The following GALNT2 variants were observed in gnomAD, a reference collection of about 807,000 sequenced individuals.
The protein encoded by GALNT2 is polypeptide N-acetylgalactosaminyltransferase 2, also known as UDP-GalNAc:polypeptide N-acetylgalactosaminyltransferase 2.
Under a neutral mutation model 81.4 loss-of-function variants are expected in GALNT2, and 31 were observed. That is an observed-to-expected ratio of 0.38 (90% CI 0.29 to 0.51). GALNT2 has a LOEUF of 0.51. Among genes scored for constraint, GALNT2 ranks in the 20% least tolerant of loss-of-function variants. The pLI is 0.87. For missense variants in GALNT2, 629 were observed against 765.7 expected (o/e 0.82, Z 2.11); for synonymous variants, 303 against 287.4 (o/e 1.05, Z -0.55).
At chr1:230,269,490 C>T (rs185359120) in intron 14 of GALNT2, among the ~76,000 whole-genome samples, 2 of 152,172 alleles carry the variant, frequency 1.3e-5, no homozygotes, top group East Asian at 1.9e-4. Context: ...CCAGCCTGCC[C>T]AGAGAACTTT....
rs200611252 is a variant in GALNT2 at position 230,262,623 on chromosome 1, A to G, written c.1187A>G (p.Tyr396Cys). The change falls in exon 12 of 16, where the codon TAT becomes TGT. Residue 396 changes from tyrosine (Y) to cysteine (C), a missense_variant. Around this residue, in one of 3 missense-constraint regions of GALNT2, gnomAD observed 207 missense variants for 225.5 expected, o/e 0.92. Transcript: ENST00000366672. ...EVWMDEYKNF[Y>C]YAAVPSARNV... ...TGGATGGATGAATACAAAAATTTCT[A>G]TTATGCAGCAGTGCCTTCTGCTAGA... 6.2e-7 allele frequency: 1 copy of G among 1,612,968 alleles called. No homozygotes were observed. The highest frequency in any genetic ancestry group is 8.5e-7 in the Non-Finnish European group (1 of 1,179,492).
chr1:230,216,162 A>G lies in GALNT2; in HGVS notation c.374+12872A>G, dbSNP rs143390184. Reference sequence around the variant, plus strand: ...AGTCCTAACAAACTGTCCTACTTCAACTATCCATTTAAAACCCATCACTTT... The same window carrying G: ...AGTCCTAACAAACTGTCCTACTTCAGCTATCCATTTAAAACCCATCACTTT... On this transcript the variant is annotated intron_variant, in intron 3 of 15. Transcript: ENST00000366672. Among the ~76,000 whole-genome samples, 284 of 152,346 alleles carry G rather than the reference A, an allele frequency of 1.9e-3. 1 individual carries two copies. Among genetic ancestry groups the G allele is most frequent in the African/African-American group, 6.5e-3 (271 of 41,584 alleles).
At chr1:230,249,845 G>GCCAA (rs1167657008) in intron 9 of GALNT2, among the ~76,000 whole-genome samples, 1 of 152,206 alleles carries the variant, frequency 6.6e-6, no homozygotes, top group Non-Finnish European at 1.5e-5. Context: ...CTGACATTTA[G>GCCAA]CCAACATCTG....
At chr1:230,063,751 T>C (rs2102734773), upstream of GALNT2, among the ~76,000 whole-genome samples, 1 of 152,342 alleles carries the variant, frequency 6.6e-6, no homozygotes, top group Admixed American at 6.5e-5. Flanking sequence ...GGCTATAAAT[T>C]GTCCCTCTTC....
intron 1 of GALNT2, among the ~76,000 whole-genome samples, chr1:230,147,937 C>T (rs1661973273): frequency 6.6e-6 from 1 of 152,222 alleles, no homozygotes; most frequent in Non-Finnish European, 1.5e-5. Context: ...CACACGTCCA[C>T]ACCTTCAGGG....
intron 2 of GALNT2, among the ~76,000 whole-genome samples, chr1:230,191,667 A>G (rs10735522): frequency 0.86 from 131,280 of 152,242 alleles, 57,091 homozygotes; most frequent in East Asian, 0.99. Flanking sequence ...ATGTGCCACT[A>G]TGCCAGACAC....
chr1:230,185,261 T>TGTGC (rs796240862), intron 2 of GALNT2, among the ~76,000 whole-genome samples: 7 of 149,944 alleles, frequency 4.7e-5, no homozygotes, highest in Admixed American at 2.0e-4. Context: ...CTCTTTAAAC[T>TGTGC]GTGCGTGCGT....
At chr1:230,171,629 C>T (rs1345827718) in intron 1 of GALNT2, among the ~76,000 whole-genome samples, 5 of 152,134 alleles carry the variant, frequency 3.3e-5, no homozygotes, top group Non-Finnish European at 5.9e-5. Context: ...TGTTTTCTCC[C>T]GCAGTAATAT....
chr1:230,088,873 G>A (rs1306021957), intron 1 of GALNT2, among the ~76,000 whole-genome samples: 1 of 152,050 alleles, frequency 6.6e-6, no homozygotes, highest in Non-Finnish European at 1.5e-5. Context: ...CATCCAAATG[G>A]AAACCCTATG....
intron 1 of GALNT2, among the ~76,000 whole-genome samples, chr1:230,067,630 G>GC (rs1659238463): frequency 6.6e-6 from 1 of 152,128 alleles, no homozygotes; most frequent in African/African-American, 2.4e-5. Flanking sequence ...GCCTTTCTCT[G>GC]CCCCCTCTCG....
chr1:230,277,007 A>G (rs965821147), intron 15 of GALNT2, among the ~76,000 whole-genome samples: 1 of 152,198 alleles, frequency 6.6e-6, no homozygotes. Flanking sequence ...TAAAAAACAA[A>G]TATTACTTCA....
At chr1:230,224,825 T>A (rs1042878326) in intron 3 of GALNT2, among the ~76,000 whole-genome samples, 5 of 152,250 alleles carry the variant, frequency 3.3e-5, no homozygotes, top group African/African-American at 1.2e-4. Flanking sequence ...TACGATAGGC[T>A]TGAGTTTCCT....
At chr1:230,173,028 G>A (rs994548334) in intron 1 of GALNT2, among the ~76,000 whole-genome samples, 1 of 152,146 alleles carries the variant, frequency 6.6e-6, no homozygotes, top group African/African-American at 2.4e-5. Flanking sequence ...GTGTGCATTT[G>A]TAAGAACAAT....
Position 230,280,292 on chromosome 1 carries a change from G to A in GALNT2, c.*834G>A, listed in dbSNP as rs3213495. ...GGGCTTCCTCCAGACCACCGGCCTC[G>A]GCCCCGGCATCCCTGTTGGGCGTCA... On this transcript the variant is annotated 3_prime_UTR_variant, in exon 16 of 16. Coordinates refer to ENST00000366672, the MANE Select transcript of GALNT2 (RefSeq NM_004481.5). 44,545 of 297,766 alleles carry A rather than the reference G, an allele frequency of 0.15. 4,314 individuals carry two copies. The highest frequency in any genetic ancestry group is 0.44 in the East Asian group (5,656 of 12,802). The allele number at this position is 297,766 out of a possible 1,614,324, so 18.4% of individuals were successfully genotyped here.
intron 1 of GALNT2, among the ~76,000 whole-genome samples, chr1:230,175,593 CCCTCCTCGT>C (rs1295837539): frequency 7.4e-5 from 6 of 80,578 alleles, no homozygotes; most frequent in African/African-American, 4.8e-4. Flanking sequence ...CCTCCTCGTC[CCCTCCTCGT>C]CCTCCTCCTC....
chr1:230,194,428 G>A (rs899387875), intron 2 of GALNT2, among the ~76,000 whole-genome samples: 2 of 152,196 alleles, frequency 1.3e-5, no homozygotes, highest in Admixed American at 6.5e-5. Context: ...TCAGGCCACC[G>A]TAGGTCTGCT....
At chr1:230,230,012 A>C (rs1010237118) in intron 3 of GALNT2, among the ~76,000 whole-genome samples, 3 of 152,198 alleles carry the variant, frequency 2.0e-5, no homozygotes, top group Non-Finnish European at 4.4e-5. Flanking sequence ...TTTTTTAATC[A>C]AAGGCCAGTA....
At chr1:230,235,479 G>C (rs374151647) in intron 3 of GALNT2, among the ~76,000 whole-genome samples, 65 of 152,304 alleles carry the variant, frequency 4.3e-4, no homozygotes, top group African/African-American at 1.5e-3. Flanking sequence ...GGTATTTGGG[G>C]ATGGCCTTCC....
At chr1:230,273,149 C>T (rs1271766326) in intron 14 of GALNT2, among the ~76,000 whole-genome samples, 1 of 152,200 alleles carries the variant, frequency 6.6e-6, no homozygotes, top group African/African-American at 2.4e-5. Flanking sequence ...GACAGTGAGG[C>T]TTCTTTAAAC....
Sources: gnomAD v4.1 joint callset for allele counts (sites outside exome capture counted in the v4.1 genomes callset) on GRCh38, gnomAD v4.1.1 for gene constraint, gnomAD v4.1.1 regional missense constraint, MANE v1.5 for transcripts, NCBI Gene and HGNC (gene_info 2026-07-23, HGNC 2026-07-21) for gene names.